Variants in GALNT10 observed in about 807,000 individuals in gnomAD.
GALNT10 encodes GalNAc transferase 10.
Under a neutral mutation model 75.0 loss-of-function variants are expected in GALNT10, and 41 were observed. The ratio of observed to expected loss-of-function variants is 0.55; its 90% CI spans 0.43 to 0.71. The LOEUF is 0.71. GALNT10 is among the 30% of genes least tolerant of loss of function. The pLI is 0.00. For missense variants in GALNT10, 727 were observed against 818.5 expected, an observed-to-expected ratio of 0.89 and a Z score of 1.36; for synonymous variants, 302 against 313.0, an observed-to-expected ratio of 0.96 and a Z score of 0.37.
intron 1 of GALNT10, among the ~76,000 whole-genome samples, chr5:154,211,552 A>G (rs1775198203): frequency 6.6e-6 from 1 of 152,164 alleles, no homozygotes; most frequent in South Asian, 2.1e-4. Flanking sequence ...TTTTGGTTAT[A>G]TAGTGCTGCA....
intron 1 of GALNT10, among the ~76,000 whole-genome samples, chr5:154,243,320 G>A (rs985621574): frequency 5.9e-5 from 9 of 152,216 alleles, no homozygotes; most frequent in African/African-American, 2.2e-4. Context: ...TCCCATAACA[G>A]ACAGAAGAGA....
Position 154,380,531 on chromosome 5 carries a change from G to A in GALNT10, c.838G>A (p.Ala280Thr). 1 of 1,613,828 alleles carries A rather than the reference G, an allele frequency of 6.2e-7. No individual in the cohort carries two copies. Among genetic ancestry groups the A allele is most frequent in the South Asian group, 1.1e-5 (1 of 91,074 alleles). ...TGACGACTTTCGGTACGAGACACAG[G>A]CAGGGGATGCCATGCGGGGAGCCTT... ...DHDDFRYETQAGDAMRGAFDW... is the reference protein window; with the variant it reads ...DHDDFRYETQTGDAMRGAFDW... Residue 280 changes from alanine to threonine, a missense_variant, in exon 6 of 12, where the codon GCA becomes ACA. Coordinates refer to ENST00000297107, the MANE Select transcript of GALNT10 (RefSeq NM_198321.4).
chr5:154,346,517 TC>T (rs1755126286), intron 4 of GALNT10, among the ~76,000 whole-genome samples: 1 of 152,236 alleles, frequency 6.6e-6, no homozygotes, highest in Admixed American at 6.5e-5. Flanking sequence ...GTACATACTT[TC>T]AGCAGGACTG....
intron 7 of GALNT10, chr5:154,392,958 G>A (rs1454324341): frequency 1.4e-5 from 2 of 139,778 alleles, no homozygotes; most frequent in Admixed American, 1.6e-4. Context: ...TACCATAGCA[G>A]AAGATTGAAA....
chr5:154,333,306 C>T (rs556330388), intron 4 of GALNT10, among the ~76,000 whole-genome samples: 37 of 152,284 alleles, frequency 2.4e-4, no homozygotes, highest in African/African-American at 8.2e-4. Context: ...GACAAGACCC[C>T]ATATCTGGGC....
chr5:154,210,385 T>TACACACACACAC lies in GALNT10; in HGVS notation c.159+19378_159+19389dup, dbSNP rs35928766. 4.0e-5 allele frequency among the ~76,000 whole-genome samples: 6 copies of TACACACACACAC among 148,974 alleles called. No homozygotes were observed. The South Asian group carries it at 1.1e-3, about 26-fold the overall frequency. ...GCACTTGCATGCACACACACATGCA[T>TACACACACACAC]ACACACACACACACACACACACACA... On this transcript the variant is annotated intron_variant, in intron 1 of 11. Transcript: ENST00000297107.
intron 4 of GALNT10, among the ~76,000 whole-genome samples, chr5:154,356,755 T>A (rs1755303614): frequency 6.6e-6 from 1 of 152,026 alleles, no homozygotes; most frequent in South Asian, 2.1e-4. Context: ...CTAAGGTCCC[T>A]CATTAGGGAG....
At chr5:154,273,610 A>T (rs1225504835) in intron 1 of GALNT10, among the ~76,000 whole-genome samples, 2 of 152,174 alleles carry the variant, frequency 1.3e-5, no homozygotes, top group Non-Finnish European at 2.9e-5. Flanking sequence ...TCTGGAGGGG[A>T]TACACAAGCA....
At chr5:154,367,460 G>A (rs1241876742) in intron 4 of GALNT10, among the ~76,000 whole-genome samples, 4 of 152,192 alleles carry the variant, frequency 2.6e-5, no homozygotes, top group African/African-American at 9.7e-5. Flanking sequence ...TGAGGGCTGT[G>A]CTCAGAGACA....
At chr5:154,220,370 A>G (rs953925429) in intron 1 of GALNT10, 2 of 152,212 alleles carry the variant, frequency 1.3e-5, no homozygotes, top group Non-Finnish European at 2.9e-5. Context: ...CACTGGGACA[A>G]AATGGGAAGG....
At chr5:154,278,086 G>T (rs1301713644) in intron 1 of GALNT10, among the ~76,000 whole-genome samples, 1 of 152,244 alleles carries the variant, frequency 6.6e-6, no homozygotes, top group Admixed American at 6.5e-5. Context: ...TTCAGAAATT[G>T]ACTGAAACCT....
intron 1 of GALNT10, among the ~76,000 whole-genome samples, chr5:154,212,734 C>T (rs865976608): frequency 2.6e-5 from 4 of 151,574 alleles, no homozygotes; most frequent in Non-Finnish European, 4.4e-5. Context: ...TTTGGGAGGC[C>T]GAGGCGGGCA....
At chr5:154,243,560 G>A (rs1478148230) in intron 1 of GALNT10, among the ~76,000 whole-genome samples, 2 of 151,788 alleles carry the variant, frequency 1.3e-5, no homozygotes, top group Non-Finnish European at 2.9e-5. Context: ...ATAGCTGTGT[G>A]ACCTTGAGCA....
chr5:154,353,706 C>T (rs1468749990), intron 4 of GALNT10, among the ~76,000 whole-genome samples: 4 of 152,236 alleles, frequency 2.6e-5, no homozygotes, highest in Non-Finnish European at 4.4e-5. Context: ...GAATAGGCAA[C>T]AGGCAGTGGA....
intron 4 of GALNT10, among the ~76,000 whole-genome samples, chr5:154,356,613 G>A (rs990226899): frequency 4.6e-5 from 7 of 152,146 alleles, no homozygotes; most frequent in Admixed American, 4.6e-4. Flanking sequence ...TTACCCAGGA[G>A]CCTCATGTAG....
intron 1 of GALNT10, among the ~76,000 whole-genome samples, chr5:154,238,207 C>T (rs1404247227): frequency 3.3e-5 from 5 of 152,020 alleles, no homozygotes; most frequent in East Asian, 1.9e-4. Flanking sequence ...GAAGTCGCCT[C>T]ACACCAGGCT....
chr5:154,356,308 C>G, intron 4 of GALNT10: 1 of 422,460 alleles, frequency 2.4e-6, no homozygotes, highest in Admixed American at 2.8e-5. Flanking sequence ...ATAGGGAACT[C>G]TTAAAAGTTG....
Position 154,409,525 on chromosome 5 carries a change from G to C in GALNT10, c.1165-16G>C. ...TCTTGGAAAGACTGACCCCTCCATT[G>C]CTTCTTGCCCCATAGAACCTTAAGC... On this transcript the variant is annotated splice_polypyrimidine_tract_variant and intron_variant, in intron 8 of 11. Transcript: ENST00000297107. The surrounding 1 kb of genome is among the most constrained non-coding windows in gnomAD (Gnocchi z 4.5). 3 of 1,571,914 alleles carry C rather than the reference G, an allele frequency of 1.9e-6. No homozygotes were observed. The highest frequency in any genetic ancestry group is 2.6e-6 in the Non-Finnish European group (3 of 1,141,358).
intron 1 of GALNT10, among the ~76,000 whole-genome samples, chr5:154,275,815 A>G (rs947562136): frequency 6.6e-6 from 1 of 152,166 alleles, no homozygotes; most frequent in African/African-American, 2.4e-5. Flanking sequence ...TGATCTAGTC[A>G]TGTAGAAATC....
Sources: gnomAD v4.1 joint callset for allele counts (sites outside exome capture counted in the v4.1 genomes callset) on GRCh38, gnomAD v4.1.1 for gene constraint, Gnocchi (gnomAD v3.1) non-coding constraint, MANE v1.5 for transcripts, NCBI Gene and HGNC (gene_info 2026-07-23, HGNC 2026-07-21) for gene names.